Variants in TMEM117 observed in about 807,000 individuals in gnomAD.
TMEM117 encodes the protein transmembrane protein 117.
In TMEM117, 27 loss-of-function variants were observed where a neutral mutation model predicts 52.4. The observed-to-expected ratio is 0.51, with a 90% confidence interval of 0.38 to 0.71. The LOEUF is 0.71. Ranked by LOEUF, TMEM117 falls within the 30% of genes least tolerant of loss-of-function variation. TMEM117 has a pLI of 0.00. For missense variants in TMEM117, 556 were observed against 630.5 expected (o/e 0.88, Z 1.26); for synonymous variants, 215 against 206.3 (o/e 1.04, Z -0.36).
At chr12:43,846,689 G>A (rs1401729713) in intron 2 of TMEM117, among the ~76,000 whole-genome samples, 1 of 151,110 alleles carries the variant, frequency 6.6e-6, no homozygotes, top group Non-Finnish European at 1.5e-5. Context: ...AAAGAAAGTA[G>A]TTTTGAGTGC....
At chr12:44,004,899 G>T (rs958046623) in intron 3 of TMEM117, among the ~76,000 whole-genome samples, 2 of 152,128 alleles carry the variant, frequency 1.3e-5, no homozygotes, top group African/African-American at 4.8e-5. Flanking sequence ...TCATGCAGAA[G>T]GCTACCATTC....
chr12:43,910,174 G>A (rs528825199), intron 2 of TMEM117, among the ~76,000 whole-genome samples: 1 of 149,286 alleles, frequency 6.7e-6, no homozygotes, highest in East Asian at 2.0e-4. Context: ...TCCCTGGGAT[G>A]CAAGGCTGGT....
At chr12:44,103,509 A>G (rs1264082502) in intron 3 of TMEM117, among the ~76,000 whole-genome samples, 1 of 151,738 alleles carries the variant, frequency 6.6e-6, no homozygotes, top group Non-Finnish European at 1.5e-5. Context: ...CTTTCTTTTG[A>G]TGATGTTGGT....
intron 4 of TMEM117, among the ~76,000 whole-genome samples, chr12:44,183,180 T>G (rs1949229493): frequency 6.6e-6 from 1 of 152,218 alleles, no homozygotes. Context: ...TATTTTCCAT[T>G]CATATAGGAT....
intron 5 of TMEM117, among the ~76,000 whole-genome samples, chr12:44,226,073 G>A (rs1361405018): frequency 6.6e-6 from 1 of 152,144 alleles, no homozygotes; most frequent in Admixed American, 6.6e-5. Flanking sequence ...CATTTACATG[G>A]CGCTCTAACT....
intron 2 of TMEM117, among the ~76,000 whole-genome samples, chr12:43,865,854 CAATAATTAAT>C (rs1592318164): frequency 2.6e-5 from 4 of 151,490 alleles, no homozygotes; most frequent in Admixed American, 1.3e-4. Flanking sequence ...AATGATTAGC[CAATAATTAAT>C]AATAATTAGT....
intron 3 of TMEM117, among the ~76,000 whole-genome samples, chr12:43,963,103 A>G (rs1592397185): frequency 2.6e-5 from 4 of 151,612 alleles, no homozygotes; most frequent in African/African-American, 9.7e-5. Flanking sequence ...TCAGATTTCA[A>G]TGTTGCGTCA....
chr12:43,874,699 C>G (rs936067325), intron 2 of TMEM117, among the ~76,000 whole-genome samples: 1 of 152,196 alleles, frequency 6.6e-6, no homozygotes, highest in African/African-American at 2.4e-5. Context: ...GATAGTTGAT[C>G]CTGCACTTTT....
chr12:43,929,042 C>T (rs1008072997), intron 2 of TMEM117, among the ~76,000 whole-genome samples: 2 of 151,368 alleles, frequency 1.3e-5, no homozygotes, highest in Non-Finnish European at 2.9e-5. Context: ...GTGAATAGTG[C>T]CACAATAAAC....
chr12:44,273,180 T>C (rs1036753407), intron 5 of TMEM117, among the ~76,000 whole-genome samples: 6 of 151,602 alleles, frequency 4.0e-5, no homozygotes, highest in Non-Finnish European at 8.8e-5. Context: ...ATGAGAACAC[T>C]TGGACACAGG....
intron 6 of TMEM117, among the ~76,000 whole-genome samples, chr12:44,301,144 T>TGA (rs1950834381): frequency 6.6e-6 from 1 of 152,202 alleles, no homozygotes; most frequent in Admixed American, 6.5e-5. Context: ...TTCATATATT[T>TGA]GAGAGCATAA....
At chr12:43,946,656 C>A (rs1045241138) in intron 3 of TMEM117, among the ~76,000 whole-genome samples, 2 of 152,108 alleles carry the variant, frequency 1.3e-5, no homozygotes, top group Non-Finnish European at 2.9e-5. Flanking sequence ...AAACTGAGGA[C>A]TAGAGACATT....
At chr12:43,988,615 G>T (rs895782362) in intron 3 of TMEM117, among the ~76,000 whole-genome samples, 3 of 152,196 alleles carry the variant, frequency 2.0e-5, no homozygotes, top group Admixed American at 6.5e-5. Context: ...GGAATTGCAT[G>T]GTGATAGGTT....
intron 6 of TMEM117, among the ~76,000 whole-genome samples, chr12:44,311,756 T>C (rs1191993324): frequency 3.8e-5 from 5 of 131,436 alleles, no homozygotes; most frequent in Non-Finnish European, 6.1e-5. Context: ...TGTGTATATA[T>C]GTATATATAT....
At position 44,113,594 on chromosome 12, in the gene TMEM117, A is replaced by G. The variant is rs1204130712; in HGVS notation, c.411-29931A>G. On this transcript the variant is annotated intron_variant, in intron 3 of 7. Transcript: ENST00000266534. ...AGGTCTCCAGCTGCGTGCTGGGAGA[A>G]CCACTGCTCTCTTCAAAGCTGTCAG... 1.1e-4 allele frequency among the ~76,000 whole-genome samples: 3 copies of G among 27,516 alleles called. No individual in the cohort carries two copies. The African/African-American group carries it at 1.2e-3, about 11-fold the overall frequency. 18.1% of individuals were successfully genotyped at this position (27,516 alleles called of 152,430 possible).
chr12:43,797,258 T>A, the TMEM117 span: 1 of 1,536,662 alleles, frequency 6.5e-7, no homozygotes, highest in Non-Finnish European at 8.8e-7. Context: ...GATACACCAA[T>A]AAACAAACTG....
intron 2 of TMEM117, among the ~76,000 whole-genome samples, chr12:43,856,770 A>G (rs1677247143): frequency 6.6e-6 from 1 of 151,818 alleles, no homozygotes; most frequent in South Asian, 2.1e-4. Context: ...AGACATTTCT[A>G]TTTTTTTCAG....
chr12:43,852,601 AAAAC>A (rs1267242826), intron 2 of TMEM117, among the ~76,000 whole-genome samples: 1 of 152,226 alleles, frequency 6.6e-6, no homozygotes, highest in Non-Finnish European at 1.5e-5. Context: ...CTCTGTCTCA[AAAAC>A]AAACAAAAAC....
At chr12:43,914,263 A>G (rs1944563519) in intron 2 of TMEM117, among the ~76,000 whole-genome samples, 1 of 152,080 alleles carries the variant, frequency 6.6e-6, no homozygotes, top group South Asian at 2.1e-4. Flanking sequence ...TTTCTCTGAT[A>G]CTGCTTTGGT....
Sources: gnomAD v4.1 joint callset for allele counts (sites outside exome capture counted in the v4.1 genomes callset) on GRCh38, gnomAD v4.1.1 for gene constraint, MANE v1.5 for transcripts, NCBI Gene and HGNC (gene_info 2026-07-23, HGNC 2026-07-21) for gene names.